Variants in KIF21B observed in about 807,000 individuals in gnomAD.
KIF21B encodes kinesin family member 21B.
KIF21B carries 85 observed loss-of-function variants against 192.9 expected under a neutral mutation model. The observed-to-expected ratio is 0.44, with a 90% CI of 0.37 to 0.53. The LOEUF is 0.53. Ranked by LOEUF, KIF21B falls within the 20% of genes least tolerant of loss-of-function variation. The pLI is 0.00. For missense variants in KIF21B, 1,716 were observed against 2,194.8 expected, an observed-to-expected ratio of 0.78 and a Z score of 4.36; for synonymous variants, 832 against 884.6, an observed-to-expected ratio of 0.94 and a Z score of 1.05.
intron 1 of KIF21B, among the ~76,000 whole-genome samples, chr1:201,018,202 T>G (rs956329808): frequency 5.9e-5 from 9 of 152,136 alleles, no homozygotes; most frequent in African/African-American, 1.9e-4. Flanking sequence ...GTGTGTGAGG[T>G]GGGGGGCCAG....
intron 14 of KIF21B, among the ~76,000 whole-genome samples, chr1:200,997,236 A>G (rs930286012): frequency 1.3e-5 from 2 of 152,144 alleles, no homozygotes; most frequent in African/African-American, 4.8e-5. Flanking sequence ...TGTCCTTACA[A>G]TGACATTTCT....
Position 200,998,555 on chromosome 1 carries a change from G to T in KIF21B, c.1906C>A (p.Leu636Met). Residue 636 changes from leucine to methionine, a missense_variant, in exon 14 of 35, where the codon CTG becomes ATG. Physicochemically the swap from Leu to Met is conservative, Grantham distance 15. Around this residue, in one of 3 missense-constraint regions of KIF21B, gnomAD observed 1,087 missense variants for 1,316.6 expected, o/e 0.83. Coordinates refer to ENST00000461742, the MANE Select transcript of KIF21B (RefSeq NM_001252102.2). The surrounding 1 kb of genome is among the most constrained non-coding windows in gnomAD (Gnocchi z 4.3). Reference sequence around the variant, plus strand: ...TCGATCTCACAAGTCAGGTCGGCCAGGTCCGCCTGGAAGTTCACCTCTATG... The same window carrying T: ...TCGATCTCACAAGTCAGGTCGGCCATGTCCGCCTGGAAGTTCACCTCTATG... ...EEKEVNFQAD[L>M]ADLTCEIEIK... The T allele has an allele frequency of 6.2e-7, 1 of 1,613,700 alleles. No homozygotes were observed. Among genetic ancestry groups the T allele is most frequent in the Non-Finnish European group, 8.5e-7 (1 of 1,179,966 alleles).
rs546813691 is a variant in KIF21B, at chr1:201,006,817, TAA to T, written c.448-1125_448-1124del. Among the ~76,000 whole-genome samples the T allele has an allele frequency of 2.3e-3, 289 of 127,542 alleles. 4 individuals are homozygous for T. Among genetic ancestry groups the T allele is most frequent in the African/African-American group, 8.1e-3 (275 of 33,822 alleles). 83.7% of individuals were successfully genotyped at this position (127,542 alleles called of 152,430 possible). The stretch of plus-strand genomic sequence containing the variant: ...AGACACACACACAGAGACACCCACA[TAA>T]AGACACAGAGATACACAGACACAGA... On this transcript the variant is annotated intron_variant, in intron 3 of 34. Coordinates refer to ENST00000461742, the MANE Select transcript of KIF21B (RefSeq NM_001252102.2).
intron 1 of KIF21B, among the ~76,000 whole-genome samples, chr1:201,019,708 C>T (rs1192739823): frequency 1.3e-5 from 2 of 152,134 alleles, no homozygotes; most frequent in Non-Finnish European, 2.9e-5. Context: ...GAGGCCACCA[C>T]CAAGATTCTC....
At position 201,017,626 on chromosome 1, in the gene KIF21B, A is replaced by G. The variant is rs1658582600; in HGVS notation, c.41+5717T>C. 6.6e-6 allele frequency among the ~76,000 whole-genome samples: 1 copy of G among 152,210 alleles called. No individual in the cohort carries two copies. The highest frequency in any genetic ancestry group is 1.5e-5 in the Non-Finnish European group (1 of 68,022). ...GGGCCCTGGGGATGCTCCCCTGCTG[A>G]GGAATGCAGAGCAACAGAAGGCTGG... On this transcript the variant is annotated intron_variant, in intron 1 of 34. Coordinates refer to ENST00000461742, the MANE Select transcript of KIF21B (RefSeq NM_001252102.2). The surrounding 1 kb of genome is among the most constrained non-coding windows in gnomAD (Gnocchi z 4.1).
chr1:200,973,982 A>G (rs1655372943), intron 34 of KIF21B: 2 of 1,550,006 alleles, frequency 1.3e-6, no homozygotes, highest in East Asian at 2.4e-5. Context: ...AAGGAAGAAG[A>G]AGGAGTAAAA....
At chr1:200,985,861 T>A (rs1304715582) in intron 26 of KIF21B, among the ~76,000 whole-genome samples, 1 of 142,708 alleles carries the variant, frequency 7.0e-6, no homozygotes, top group Admixed American at 7.0e-5. Flanking sequence ...CTTTTCTTTC[T>A]GAGACAGTGA....
rs1196152252 is a variant in KIF21B, at chr1:200,991,517, G to C, written c.2454+140C>G. On this transcript the variant is annotated intron_variant, in intron 17 of 34. Transcript: ENST00000461742. ...CAGGGCTTGCTTCCCCTCCCTGCCG[G>C]CTCTGGCAGAACTGGGAAATACCGC... 10 of 843,502 alleles carry C rather than the reference G, an allele frequency of 1.2e-5. No homozygotes were observed. In the Admixed American group the frequency reaches 2.3e-4, roughly 19 times the overall value. The allele number at this position is 843,502 out of a possible 1,614,324, so 52.3% of individuals were successfully genotyped here. A position where few individuals can be genotyped will look rare whatever the true frequency, so the allele number is the denominator to read the frequency against.
intron 34 of KIF21B, 169 bp from the exon 35 acceptor site, chr1:200,973,747 G>C (rs1557993029): frequency 6.8e-7 from 1 of 1,469,800 alleles, no homozygotes. Context: ...GTGGGGTGCT[G>C]GGCAGATGGA....
chr1:200,976,709 G>A, intron 32 of KIF21B, 67 bp downstream of exon 32: 7 of 1,009,784 alleles, frequency 6.9e-6, no homozygotes. Flanking sequence ...TACTCCCAGG[G>A]CAACAGAGGG....
intron 27 of KIF21B, among the ~76,000 whole-genome samples, chr1:200,983,713 A>G (rs1298624417): frequency 1.3e-5 from 2 of 152,184 alleles, no homozygotes; most frequent in East Asian, 1.9e-4. Context: ...CCCTGCCCCA[A>G]TCCTTCCAAA....
chr1:200,977,735 ATTT>A (rs56046486), intron 30 of KIF21B, among the ~76,000 whole-genome samples: 1 of 141,956 alleles, frequency 7.0e-6, no homozygotes, highest in Non-Finnish European at 1.5e-5. Context: ...TCTGTTTACT[ATTT>A]TTTTTTTTTT....
chr1:201,022,541 T>C (rs1025100924), intron 1 of KIF21B, among the ~76,000 whole-genome samples: 5 of 152,220 alleles, frequency 3.3e-5, no homozygotes, highest in Admixed American at 6.5e-5. Context: ...TGCACCTTTG[T>C]GTACCCCTCC....
At position 200,986,864 on chromosome 1, in the gene KIF21B, G is replaced by A. The variant is rs139250432; in HGVS notation, c.3669C>T (p.Tyr1223=). Residue 1223 remains tyrosine, a synonymous_variant, in exon 26 of 35, where the codon TAC becomes TAT. Coordinates refer to ENST00000461742, the MANE Select transcript of KIF21B (RefSeq NM_001252102.2). ...CTCACCTAATGGGCTGCCCTCGGTC[G>A]TAGGACTTCCTTCTCGTCAGCGGGG... ...ETSPLTRRKS[Y]DRGQPIRSTD... 2.3e-4 allele frequency: 370 copies of A among 1,613,692 alleles called. No individual in the cohort carries two copies. Among genetic ancestry groups the A allele is most frequent in the Middle Eastern group, 2.0e-3 (12 of 6,058 alleles).
chr1:200,990,484 G>C lies in KIF21B; in HGVS notation c.2835+92C>G. 1 of 1,517,458 alleles carries C rather than the reference G, an allele frequency of 6.6e-7. No individual in the cohort carries two copies. Among genetic ancestry groups the C allele is most frequent in the Non-Finnish European group, 9.0e-7 (1 of 1,112,072 alleles). The allele number at this position is 1,517,458 out of a possible 1,614,324, so 94.0% of individuals were successfully genotyped here. On this transcript the variant is annotated intron_variant, in intron 19 of 34. Transcript: ENST00000461742. The surrounding 1 kb of genome is among the most constrained non-coding windows in gnomAD (Gnocchi z 5.4). ...AGGCAAAAGGAGCAGAGGGAAGTGG[G>C]GCAGGGAAAGGTCTGAAGAGCCAGA...
Position 200,977,229 on chromosome 1 carries a change from G to T in KIF21B, c.4308C>A (p.Arg1436=). 1.2e-6 allele frequency: 2 copies of T among 1,612,836 alleles called. No homozygotes were observed. Among genetic ancestry groups the T allele is most frequent in the South Asian group, 2.2e-5 (2 of 91,058 alleles). ...ACGCTGACCTGCTAAGCTCCCAGAT[G>T]CGGACGGCATTGCCCGAGGCGGCGT... ...MLYAASGNAV[R]IWELSRFQPV... Residue 1436 remains arginine (R), a synonymous_variant, in exon 31 of 35, where the codon CGC becomes CGA. Coordinates refer to ENST00000461742, the MANE Select transcript of KIF21B (RefSeq NM_001252102.2).
chr1:200,979,257 C>CT (rs2102381090), intron 30 of KIF21B, among the ~76,000 whole-genome samples: 1 of 152,252 alleles, frequency 6.6e-6, no homozygotes, highest in South Asian at 2.1e-4. Context: ...AGGATGATAT[C>CT]TAACACACCT....
At chr1:201,013,079 G>C (rs1658323952) in intron 1 of KIF21B, among the ~76,000 whole-genome samples, 1 of 152,192 alleles carries the variant, frequency 6.6e-6, no homozygotes, top group African/African-American at 2.4e-5. Context: ...CCCTGCCTTT[G>C]AGGGCTCACA....
intron 1 of KIF21B, among the ~76,000 whole-genome samples, chr1:201,010,226 T>G (rs1658149768): frequency 6.6e-6 from 1 of 152,028 alleles, no homozygotes; most frequent in Admixed American, 6.5e-5. Flanking sequence ...TTCCAGGAGT[T>G]GGGCGGGGGA....
Sources: allele counts gnomAD v4.1 joint callset (sites outside exome capture counted in the v4.1 genomes callset), GRCh38; gene constraint gnomAD v4.1.1; regional missense constraint gnomAD v4.1.1; non-coding constraint Gnocchi (gnomAD v3.1); transcripts MANE v1.5; gene names NCBI Gene and HGNC (gene_info 2026-07-23, HGNC 2026-07-21).